Variants in MYRIP observed in about 807,000 individuals in gnomAD.
MYRIP encodes myosin VIIA and Rab interacting protein.
In MYRIP, 49 loss-of-function variants were observed where a neutral mutation model predicts 98.0. The ratio of observed to expected loss-of-function variants is 0.50; its 90% confidence interval spans 0.40 to 0.63. The LOEUF is 0.63. Ranked by LOEUF, MYRIP falls within the 30% of genes least tolerant of loss-of-function variation. The pLI, the probability that MYRIP is intolerant of heterozygous loss-of-function variation, is 0.00. For synonymous variants in MYRIP, 404 were observed against 409.5 expected (o/e 0.99, Z 0.16); for missense variants, 1,004 against 1,058.2 (o/e 0.95, Z 0.71).
At chr3:40,027,329 C>T (rs982806967) in intron 2 of MYRIP, among the ~76,000 whole-genome samples, 31 of 152,242 alleles carry the variant, frequency 2.0e-4, no homozygotes, top group African/African-American at 6.7e-4. Context: ...CCATGCTTCA[C>T]ACATGCAAGG....
intron 4 of MYRIP, among the ~76,000 whole-genome samples, chr3:40,159,180 G>A (rs1950318530): frequency 6.6e-6 from 1 of 151,588 alleles, no homozygotes; most frequent in South Asian, 2.1e-4. Context: ...GCTCTTTTAG[G>A]GCAGGCCTGG....
At chr3:39,862,553 CA>C (rs1942504798) in intron 1 of MYRIP, among the ~76,000 whole-genome samples, 1 of 152,180 alleles carries the variant, frequency 6.6e-6, no homozygotes, top group Non-Finnish European at 1.5e-5. Context: ...TCAAAGAAGG[CA>C]TTTTGTAATG....
chr3:40,116,265 C>T (rs1949275830), intron 3 of MYRIP, among the ~76,000 whole-genome samples: 1 of 152,140 alleles, frequency 6.6e-6, no homozygotes, highest in African/African-American at 2.4e-5. Context: ...TGCATTCACA[C>T]CTCCTCCATG....
chr3:39,894,024 A>G (rs2125662797), intron 1 of MYRIP, among the ~76,000 whole-genome samples: 1 of 152,336 alleles, frequency 6.6e-6, no homozygotes, highest in African/African-American at 2.4e-5. Context: ...ATATGTGCAA[A>G]AGCAAATTTT....
intron 5 of MYRIP, among the ~76,000 whole-genome samples, chr3:40,165,798 A>C (rs1212806660): frequency 6.6e-6 from 1 of 151,576 alleles, no homozygotes; most frequent in Non-Finnish European, 1.5e-5. Flanking sequence ...TGGTAGCACT[A>C]TATTTTTTAA....
intron 2 of MYRIP, among the ~76,000 whole-genome samples, chr3:39,973,494 G>C (rs1208930878): frequency 6.6e-6 from 1 of 152,072 alleles, no homozygotes; most frequent in Admixed American, 6.6e-5. Flanking sequence ...ACAGATCAAC[G>C]AGACAGAAAG....
intron 2 of MYRIP, among the ~76,000 whole-genome samples, chr3:39,979,830 A>C (rs1393394773): frequency 2.6e-5 from 4 of 152,176 alleles, no homozygotes; most frequent in Non-Finnish European, 4.4e-5. Flanking sequence ...GCCATCACAT[A>C]AATACTTTGT....
At chr3:39,972,925 A>T (rs2125747077) in intron 2 of MYRIP, among the ~76,000 whole-genome samples, 1 of 152,156 alleles carries the variant, frequency 6.6e-6, no homozygotes, top group Middle Eastern at 3.4e-3. Flanking sequence ...ACTCTTTATC[A>T]TACTGTCTTT....
At chr3:39,926,636 A>T (rs1944426078) in intron 2 of MYRIP, among the ~76,000 whole-genome samples, 1 of 151,896 alleles carries the variant, frequency 6.6e-6, no homozygotes, top group Non-Finnish European at 1.5e-5. Flanking sequence ...CAGAGATCAG[A>T]TGGTTGTAGG....
At position 39,856,523 on chromosome 3, in the gene MYRIP, T is replaced by C. The variant is rs981615981; in HGVS notation, c.-30-44264T>C. Among the ~76,000 whole-genome samples, 84 of 152,292 alleles carry C rather than the reference T, an allele frequency of 5.5e-4. 1 individual carries two copies. Among genetic ancestry groups the C allele is most frequent in the African/African-American group, 1.9e-3 (81 of 41,570 alleles). ...GAAAAGCACAACCTGGGGTCTCACC[T>C]GGCCAGGGGCAATTATACAGCCCAG... On this transcript the variant is annotated intron_variant, in intron 1 of 16. Coordinates refer to ENST00000302541, the MANE Select transcript of MYRIP (RefSeq NM_015460.4).
intron 1 of MYRIP, among the ~76,000 whole-genome samples, chr3:39,869,820 T>C (rs1244746102): frequency 6.6e-6 from 1 of 152,114 alleles, no homozygotes; most frequent in Non-Finnish European, 1.5e-5. Flanking sequence ...CTTCTTGGCA[T>C]GGAGGGAAGC....
chr3:39,853,694 T>C (rs1942206045), intron 1 of MYRIP, among the ~76,000 whole-genome samples: 1 of 152,210 alleles, frequency 6.6e-6, no homozygotes, highest in African/African-American at 2.4e-5. Context: ...TTTTCTCCCA[T>C]TCTGTGGGTT....
chr3:40,180,781 G>C (rs368027925), intron 8 of MYRIP, among the ~76,000 whole-genome samples: 15 of 152,296 alleles, frequency 9.8e-5, no homozygotes, highest in African/African-American at 3.6e-4. Flanking sequence ...CTTTCTCCTA[G>C]ATCACCCCAA....
chr3:40,141,532 A>T (rs531774206), intron 3 of MYRIP, among the ~76,000 whole-genome samples: 6 of 152,312 alleles, frequency 3.9e-5, no homozygotes, highest in Middle Eastern at 3.4e-3. Context: ...ATCAATGTCC[A>T]GAAGTATTTC....
intron 1 of MYRIP, among the ~76,000 whole-genome samples, chr3:39,824,053 A>G (rs1226106418): frequency 1.3e-5 from 2 of 152,150 alleles, no homozygotes; most frequent in Non-Finnish European, 1.5e-5. Context: ...GTGGAGGTAT[A>G]GTTTCATTCC....
intron 11 of MYRIP, among the ~76,000 whole-genome samples, chr3:40,224,482 C>T (rs1490770860): frequency 6.6e-6 from 1 of 151,816 alleles, no homozygotes; most frequent in Admixed American, 6.6e-5. Flanking sequence ...CTCCTGCCTG[C>T]TTTACACCTG....
intron 2 of MYRIP, among the ~76,000 whole-genome samples, chr3:39,938,128 T>C (rs1009748448): frequency 3.9e-5 from 6 of 152,186 alleles, no homozygotes; most frequent in African/African-American, 1.4e-4. Flanking sequence ...CTGAGTTTCA[T>C]AAGCCACCCT....
chr3:39,881,309 T>C (rs1943150873), intron 1 of MYRIP, among the ~76,000 whole-genome samples: 1 of 152,194 alleles, frequency 6.6e-6, no homozygotes, highest in Non-Finnish European at 1.5e-5. Flanking sequence ...TTTACTCATA[T>C]TTAAGAATAA....
Position 40,212,221 on chromosome 3 carries a change from T to C in MYRIP, c.1905+2128T>C, listed in dbSNP as rs1344849405. On this transcript the variant is annotated intron_variant, in intron 11 of 16. Transcript: ENST00000302541. The stretch of plus-strand genomic sequence containing the variant: ...ATATATATACGTGTGTGTATATATA[T>C]ATATACACACACACACACACACACA... 1.2e-4 allele frequency among the ~76,000 whole-genome samples: 10 copies of C among 80,318 alleles called. 1 individual carries two copies. The highest frequency in any genetic ancestry group is 3.5e-4 in the African/African-American group (10 of 28,822). 52.7% of individuals were successfully genotyped at this position (80,318 alleles called of 152,430 possible). A position where few individuals can be genotyped will look rare whatever the true frequency, so the allele number is the denominator to read the frequency against.
Sources: gnomAD v4.1 joint callset for allele counts (sites outside exome capture counted in the v4.1 genomes callset) on GRCh38, gnomAD v4.1.1 for gene constraint, MANE v1.5 for transcripts, NCBI Gene and HGNC (gene_info 2026-07-23, HGNC 2026-07-21) for gene names.